The following PRKCE variants were observed in gnomAD, a reference collection of about 807,000 sequenced individuals.
PRKCE encodes the protein protein kinase C epsilon type.
PRKCE carries 16 observed loss-of-function variants against 85.4 expected under a neutral mutation model. The observed-to-expected ratio is 0.19, with a 90% confidence interval of 0.13 to 0.28. PRKCE has a LOEUF of 0.28. Among genes scored for constraint, PRKCE ranks in the 10% least tolerant of loss-of-function variants. PRKCE has a pLI of 1.00. For synonymous variants in PRKCE, 388 were observed against 371.5 expected, an observed-to-expected ratio of 1.04 and a Z score of -0.51; for missense variants, 573 against 975.2, an observed-to-expected ratio of 0.59 and a Z score of 5.49.
chr2:45,830,416 G>A (rs1379645502), intron 1 of PRKCE, among the ~76,000 whole-genome samples: 2 of 152,182 alleles, frequency 1.3e-5, no homozygotes, highest in Non-Finnish European at 2.9e-5. Flanking sequence ...GAAAATTTCA[G>A]AGGAAGAATT....
chr2:45,831,147 A>C (rs1356798749), intron 1 of PRKCE, among the ~76,000 whole-genome samples: 1 of 152,246 alleles, frequency 6.6e-6, no homozygotes, highest in Non-Finnish European at 1.5e-5. Context: ...GTAGACTGTA[A>C]GATGAAGAAT....
rs142281945 is a variant in PRKCE at position 45,772,790 on chromosome 2, G to T, written c.349-70210G>T. ...TGGTCAGGGAGTGTATCTCGGGGAAGAGGAGCAGGGGCTGAAGAGGACAAG... is the reference window on the plus strand; with the variant it reads ...TGGTCAGGGAGTGTATCTCGGGGAATAGGAGCAGGGGCTGAAGAGGACAAG... On this transcript the variant is annotated intron_variant, in intron 1 of 14. Coordinates refer to ENST00000306156, the MANE Select transcript of PRKCE (RefSeq NM_005400.3). Among the ~76,000 whole-genome samples, 411 of 152,282 alleles carry T rather than the reference G, an allele frequency of 2.7e-3. 3 individuals are homozygous for T. The highest frequency in any genetic ancestry group is 9.4e-3 in the African/African-American group (390 of 41,554).
At chr2:45,923,115 C>T (rs577702062) in intron 2 of PRKCE, among the ~76,000 whole-genome samples, 3 of 152,250 alleles carry the variant, frequency 2.0e-5, no homozygotes, top group South Asian at 2.1e-4. Context: ...TTTTCCTTGG[C>T]GTGACTGTGT....
intron 1 of PRKCE, chr2:45,677,136 T>TG (rs1210417299): frequency 6.6e-6 from 1 of 151,088 alleles, no homozygotes; most frequent in Non-Finnish European, 1.5e-5. Context: ...GGGAGTAGGT[T>TG]GGGGGCATGG....
At chr2:46,064,728 A>G (rs1435661935) in intron 10 of PRKCE, among the ~76,000 whole-genome samples, 1 of 152,228 alleles carries the variant, frequency 6.6e-6, no homozygotes, top group Non-Finnish European at 1.5e-5. Flanking sequence ...GGTAACATAT[A>G]ATAAACTAGG....
chr2:46,138,271 C>T lies in PRKCE; in HGVS notation c.1593-6822C>T, dbSNP rs190321991. 7.2e-4 allele frequency among the ~76,000 whole-genome samples: 109 copies of T among 152,260 alleles called. 2 individuals are homozygous for T. In the East Asian group the frequency reaches 0.016, roughly 22 times the overall value. On this transcript the variant is annotated intron_variant, in intron 11 of 14. Coordinates refer to ENST00000306156, the MANE Select transcript of PRKCE (RefSeq NM_005400.3). The surrounding 1 kb of genome is among the most constrained non-coding windows in gnomAD (Gnocchi z 4.2). ...TCACCACAAAGATTTCTTTTCCCAG[C>T]CCAGAGGAATTTTAGTCCAAGCATC... is the stretch of plus-strand genomic sequence containing the variant.
At chr2:46,111,589 C>T (rs938647142) in intron 11 of PRKCE, among the ~76,000 whole-genome samples, 3 of 152,196 alleles carry the variant, frequency 2.0e-5, no homozygotes, top group African/African-American at 7.2e-5. Context: ...TGGGATCACA[C>T]AATACATGGT....
At chr2:46,000,364 G>A (rs1014615795) in intron 6 of PRKCE, among the ~76,000 whole-genome samples, 2 of 151,808 alleles carry the variant, frequency 1.3e-5, no homozygotes, top group African/African-American at 4.8e-5. Context: ...TCCTCCCCTG[G>A]CCTTAGATAG....
chr2:45,928,010 A>C (rs1271856551), intron 2 of PRKCE, among the ~76,000 whole-genome samples: 1 of 152,146 alleles, frequency 6.6e-6, no homozygotes, highest in African/African-American at 2.4e-5. Context: ...GCCGAGGAAG[A>C]GTATCTGGCT....
At chr2:45,886,295 C>T (rs1161591998) in intron 2 of PRKCE, among the ~76,000 whole-genome samples, 1 of 152,192 alleles carries the variant, frequency 6.6e-6, no homozygotes, top group Non-Finnish European at 1.5e-5. Context: ...CCACTCTGAG[C>T]TCCGTAGCCT....
chr2:45,920,337 C>T (rs1042667162), intron 2 of PRKCE, among the ~76,000 whole-genome samples: 6 of 152,126 alleles, frequency 3.9e-5, no homozygotes, highest in African/African-American at 7.2e-5. Context: ...ATGGTGCAGA[C>T]GCTTTGGAAG....
At chr2:46,120,469 T>C (rs1241208728) in intron 11 of PRKCE, among the ~76,000 whole-genome samples, 1 of 152,160 alleles carries the variant, frequency 6.6e-6, no homozygotes, top group Non-Finnish European at 1.5e-5. Flanking sequence ...GAAAACCCGC[T>C]CTAGATGCAA....
At chr2:45,983,826 A>G (rs539454893) in intron 5 of PRKCE, among the ~76,000 whole-genome samples, 140 of 152,146 alleles carry the variant, frequency 9.2e-4, no homozygotes, top group African/African-American at 3.3e-3. Flanking sequence ...TTTCCACAAC[A>G]TTGTGCAGAG....
chr2:45,912,272 C>T (rs545924360), intron 2 of PRKCE, among the ~76,000 whole-genome samples: 107 of 152,282 alleles, frequency 7.0e-4, no homozygotes, highest in African/African-American at 2.6e-3. Flanking sequence ...GGTCAATGTC[C>T]AGCCTGGAGC....
rs764668038 is a variant in PRKCE, at chr2:45,711,853, G to A, written c.348+59405G>A. ...TCGGTCAGGATGGTCTTGATCTCCT[G>A]ACCTCATGATCTGCATGCCTTGGCC... On this transcript the variant is annotated intron_variant, in intron 1 of 14. Transcript: ENST00000306156. Among the ~76,000 whole-genome samples the A allele has an allele frequency of 8.0e-4, 122 of 152,166 alleles. 1 individual carries two copies. The highest frequency in any genetic ancestry group is 1.3e-4 in the Non-Finnish European group (9 of 68,024).
At chr2:45,946,798 G>A (rs1700274220) in intron 2 of PRKCE, among the ~76,000 whole-genome samples, 1 of 152,220 alleles carries the variant, frequency 6.6e-6, no homozygotes, top group African/African-American at 2.4e-5. Context: ...ACCATGTTCT[G>A]GAACAGTTCA....
intron 1 of PRKCE, among the ~76,000 whole-genome samples, chr2:45,656,011 C>T (rs907737115): frequency 6.6e-6 from 1 of 152,106 alleles, no homozygotes; most frequent in Non-Finnish European, 1.5e-5. Context: ...TAAAGGCAGA[C>T]AATCCTGTAG....
chr2:46,073,363 A>G (rs1056359464), intron 10 of PRKCE: 1 of 152,210 alleles, frequency 6.6e-6, no homozygotes, highest in African/African-American at 2.4e-5. Flanking sequence ...ATCTCCTTCC[A>G]ATGTGGAAAT....
At chr2:45,834,338 G>A (rs1267728668) in intron 1 of PRKCE, among the ~76,000 whole-genome samples, 4 of 152,206 alleles carry the variant, frequency 2.6e-5, no homozygotes, top group Admixed American at 2.6e-4. Context: ...TGGGGGATTG[G>A]AGATTATAAA....
Sources: gnomAD v4.1 joint callset for allele counts (sites outside exome capture counted in the v4.1 genomes callset) on GRCh38, gnomAD v4.1.1 for gene constraint, Gnocchi (gnomAD v3.1) non-coding constraint, MANE v1.5 for transcripts, NCBI Gene and HGNC (gene_info 2026-07-23, HGNC 2026-07-21) for gene names.